THSD7B: variants seen among roughly 807,000 people sequenced by gnomAD.
THSD7B encodes thrombospondin type-1 domain-containing protein 7B.
A neutral mutation model predicts 213.6 loss-of-function variants in THSD7B; 138 were observed. That is an observed-to-expected ratio of 0.65 (90% CI 0.56 to 0.74). The LOEUF (loss-of-function observed/expected upper bound fraction) is 0.74, where lower values mean the gene tolerates loss of function less well. Among genes scored for constraint, THSD7B ranks in the 30% least tolerant of loss-of-function variants. THSD7B has a pLI of 0.00. For synonymous variants in THSD7B, 742 were observed against 687.0 expected (o/e 1.08, Z -1.25); for missense variants, 1,931 against 1,991.5 (o/e 0.97, Z 0.58).
chr2:137,254,958 T>A (rs1682271981), intron 10 of THSD7B, among the ~76,000 whole-genome samples: 1 of 152,126 alleles, frequency 6.6e-6, no homozygotes, highest in Admixed American at 6.6e-5. Flanking sequence ...ACAATAATAA[T>A]GTTTAGTATT....
At chr2:137,603,891 A>G (rs1006211630) in intron 17 of THSD7B, among the ~76,000 whole-genome samples, 1 of 152,152 alleles carries the variant, frequency 6.6e-6, no homozygotes, top group Non-Finnish European at 1.5e-5. Flanking sequence ...TGGATGGATC[A>G]CCTGAGGTCA....
At chr2:137,397,192 T>A (rs1361981927) in intron 12 of THSD7B, among the ~76,000 whole-genome samples, 2 of 152,020 alleles carry the variant, frequency 1.3e-5, no homozygotes, top group East Asian at 3.9e-4. Context: ...TATGTGTGAA[T>A]TTGATCCTGT....
At chr2:137,568,208 G>A (rs767743517) in intron 16 of THSD7B, among the ~76,000 whole-genome samples, 4 of 151,972 alleles carry the variant, frequency 2.6e-5, no homozygotes, top group African/African-American at 4.8e-5. Flanking sequence ...TTGGGGAGGC[G>A]GGAGGAGAGG....
intron 17 of THSD7B, among the ~76,000 whole-genome samples, chr2:137,576,251 T>C (rs561147438): frequency 3.3e-5 from 5 of 152,234 alleles, no homozygotes; most frequent in East Asian, 3.9e-4. Flanking sequence ...GACAAGTGTA[T>C]TGGAAGTGAA....
At chr2:136,899,822 G>A (rs905530970) in intron 2 of THSD7B, among the ~76,000 whole-genome samples, 1 of 152,282 alleles carries the variant, frequency 6.6e-6, no homozygotes, top group South Asian at 2.1e-4. Context: ...TTCAAATGAA[G>A]TATAAGTTCT....
chr2:137,417,127 C>T (rs999990520), intron 14 of THSD7B, among the ~76,000 whole-genome samples: 2 of 152,070 alleles, frequency 1.3e-5, no homozygotes, highest in Non-Finnish European at 2.9e-5. Flanking sequence ...ATAGATAGAA[C>T]ACAAAGCAAA....
intron 2 of THSD7B, among the ~76,000 whole-genome samples, chr2:137,033,372 G>T (rs1344866237): frequency 2.6e-5 from 4 of 152,176 alleles, no homozygotes; most frequent in Non-Finnish European, 5.9e-5. Flanking sequence ...CAGTAGCAAG[G>T]TTCTAACACA....
intron 12 of THSD7B, among the ~76,000 whole-genome samples, chr2:137,391,988 T>C (rs1203822783): frequency 6.6e-6 from 1 of 152,250 alleles, no homozygotes. Context: ...TCTATCTTAA[T>C]TTCTTCCTTG....
At chr2:137,004,100 A>C (rs921766596) in intron 2 of THSD7B, among the ~76,000 whole-genome samples, 1 of 152,198 alleles carries the variant, frequency 6.6e-6, no homozygotes, top group African/African-American at 2.4e-5. Context: ...AAAAGTATCT[A>C]AGAAAATCAA....
intron 20 of THSD7B, among the ~76,000 whole-genome samples, chr2:137,621,447 A>G (rs144288280): frequency 6.6e-6 from 1 of 152,346 alleles, no homozygotes; most frequent in East Asian, 1.9e-4. Flanking sequence ...GGAAATCATT[A>G]CTACACGATC....
chr2:136,839,328 T>G (rs1682887460), intron 1 of THSD7B, among the ~76,000 whole-genome samples: 1 of 152,190 alleles, frequency 6.6e-6, no homozygotes, highest in Admixed American at 6.5e-5. Context: ...TAATGAGAAA[T>G]GGAAGAACTG....
intron 15 of THSD7B, among the ~76,000 whole-genome samples, chr2:137,507,412 T>A (rs1309127085): frequency 6.6e-6 from 1 of 152,196 alleles, no homozygotes; most frequent in Non-Finnish European, 1.5e-5. Context: ...GTTCGGTGAT[T>A]TGAAAATTCT....
intron 3 of THSD7B, among the ~76,000 whole-genome samples, chr2:137,067,314 G>A (rs1687401026): frequency 2.0e-5 from 3 of 152,114 alleles, no homozygotes; most frequent in Admixed American, 2.0e-4. Context: ...CCTTTAGTGT[G>A]AGGTTGTTAT....
At chr2:137,510,642 T>A (rs1398296251) in intron 15 of THSD7B, among the ~76,000 whole-genome samples, 2 of 152,198 alleles carry the variant, frequency 1.3e-5, no homozygotes, top group Non-Finnish European at 2.9e-5. Flanking sequence ...TGCTTTATAG[T>A]GCAATTCTCC....
chr2:137,366,374 A>G (rs978486258), intron 12 of THSD7B, among the ~76,000 whole-genome samples: 3 of 152,122 alleles, frequency 2.0e-5, no homozygotes, highest in African/African-American at 7.2e-5. Flanking sequence ...CATGTACCCT[A>G]GAACTTAAAG....
chr2:137,214,482 T>A (rs1378073558), intron 7 of THSD7B, among the ~76,000 whole-genome samples: 4 of 152,128 alleles, frequency 2.6e-5, no homozygotes, highest in Admixed American at 2.6e-4. Flanking sequence ...GTGCAGAACG[T>A]GCAGGTTTGT....
intron 12 of THSD7B, among the ~76,000 whole-genome samples, chr2:137,395,587 G>C (rs1220154335): frequency 2.0e-5 from 3 of 152,020 alleles, no homozygotes; most frequent in African/African-American, 4.8e-5. Context: ...GAGGATTTTT[G>C]CATCAATGTT....
chr2:137,304,328 A>T (rs1183315537), intron 12 of THSD7B, among the ~76,000 whole-genome samples: 1 of 152,192 alleles, frequency 6.6e-6, no homozygotes, highest in Non-Finnish European at 1.5e-5. Flanking sequence ...TCAAGCAATG[A>T]CTGTGGTAGG....
intron 17 of THSD7B, among the ~76,000 whole-genome samples, chr2:137,608,806 G>A (rs562777834): frequency 1.2e-4 from 19 of 152,224 alleles, no homozygotes; most frequent in African/African-American, 4.3e-4. Flanking sequence ...TTAAAATTAA[G>A]GTAAAGTATA....
Sources: allele counts gnomAD v4.1 joint callset (sites outside exome capture counted in the v4.1 genomes callset), GRCh38; gene constraint gnomAD v4.1.1; transcripts MANE v1.5; gene names NCBI Gene and HGNC (gene_info 2026-07-23, HGNC 2026-07-21).